ITM2A: variants seen among roughly 807,000 people sequenced by gnomAD.
The protein encoded by ITM2A is BRICHOS domain containing 2A.
A neutral mutation model predicts 16.6 loss-of-function variants in ITM2A; 11 were observed. That is an observed-to-expected ratio of 0.66 (90% CI 0.42 to 1.10). ITM2A has a LOEUF of 1.10. Ranked by LOEUF, ITM2A falls within the 50% of genes least tolerant of loss-of-function variation. ITM2A has a pLI of 0.00. For synonymous variants in ITM2A, 102 were observed against 71.2 expected, an observed-to-expected ratio of 1.43 and a Z score of -2.18; for missense variants, 243 against 206.8, an observed-to-expected ratio of 1.17 and a Z score of -1.07.
At chrX:79,365,813 A>G (rs1196645566) in intron 1 of ITM2A, among the ~76,000 whole-genome samples, 1 of 111,912 alleles carries the variant, frequency 8.9e-6, no homozygotes, top group African/African-American at 3.2e-5. Context: ...AACCTCAACA[A>G]TGCAAGAGGG....
Position 79,363,081 on chromosome X carries a change from A to G in ITM2A, c.302T>C (p.Leu101Pro). 1 of 1,210,078 alleles carries G rather than the reference A, an allele frequency of 8.3e-7. No individual in the cohort carries two copies. The highest frequency in any genetic ancestry group is 3.0e-5 in the East Asian group (1 of 33,807). The change falls in exon 3 of 6, where the codon CTT (leucine) becomes CCT (proline). Residue 101 changes from leucine (L) to proline (P), a missense_variant. By Grantham distance (98) the Leu-to-Pro change is moderately conservative. Coordinates refer to ENST00000373298, the MANE Select transcript of ITM2A (RefSeq NM_004867.5). ...FFDSEDPANS[L>P]RGGEPNFLPV... ...CAGGAAGTTAGGCTCTCCTCCACGAAGGGAATTTGCAGGATCCTCAGAATC... is the reference window on the plus strand; with the variant it reads ...CAGGAAGTTAGGCTCTCCTCCACGAGGGGAATTTGCAGGATCCTCAGAATC...
rs769544669 is a variant in ITM2A, at chrX:79,367,182, C to G, written c.34G>C (p.Val12Leu). ...VKIAFNTPTA[V>L]QKEEARQDVE... Reference sequence around the variant, plus strand: ...TCTTGCCGCGCCTCCTCCTTTTGCACGGCGGTAGGGGTATTGAAGGCGATT... The same window carrying G: ...TCTTGCCGCGCCTCCTCCTTTTGCAGGGCGGTAGGGGTATTGAAGGCGATT... Residue 12 changes from valine to leucine, a missense_variant, in exon 1 of 6, where the codon GTG (valine) becomes CTG (leucine). By Grantham distance (32) the Val-to-Leu change is conservative. Transcript: ENST00000373298. The G allele has an allele frequency of 3.2e-5, 39 of 1,206,750 alleles. No homozygotes were observed. The highest frequency in any genetic ancestry group is 4.4e-5 in the Admixed American group (2 of 45,666).
In ITM2A at chrX:79,360,484, ATAG is replaced by A. The variant is rs1477706034; in HGVS notation, c.*602_*604del. 8.9e-6 allele frequency: 1 copy of A among 111,825 alleles called. No homozygotes were observed. The highest frequency in any genetic ancestry group is 1.9e-5 in the Non-Finnish European group (1 of 53,075). 9.2% of individuals were successfully genotyped at this position (111,825 alleles called of 1,213,427 possible). A position where few individuals can be genotyped will look rare whatever the true frequency, so the allele number is the denominator to read the frequency against. ...CAATTTTGTGCATTCCACAATACAGATAGTAGTGAGAAAGAATCACTGCATTAG... is the reference window on the plus strand; with the variant it reads ...CAATTTTGTGCATTCCACAATACAGATAGTGAGAAAGAATCACTGCATTAG... On this transcript the variant is annotated 3_prime_UTR_variant, in exon 6 of 6. Coordinates refer to ENST00000373298, the MANE Select transcript of ITM2A (RefSeq NM_004867.5).
Position 79,360,950 on chromosome X carries a change from T to TTC in ITM2A, c.*138_*139insGA. 3.2e-6 allele frequency: 1 copy of TTC among 316,383 alleles called. No homozygotes were observed. The highest frequency in any genetic ancestry group is 2.8e-5 in the African/African-American group (1 of 36,101). 26.1% of individuals were successfully genotyped at this position (316,383 alleles called of 1,213,427 possible). On this transcript the variant is annotated 3_prime_UTR_variant, in exon 6 of 6. Transcript: ENST00000373298. Reference sequence around the variant, plus strand: ...AAGAGCTTGCAGTGGTTAGTAGTTTTTTTTTTTCCTTTTTTTAAAGCATAA... The same window carrying TTC: ...AAGAGCTTGCAGTGGTTAGTAGTTTTTCTTTTTTTCCTTTTTTTAAAGCATAA...
chrX:79,364,758 A>T (rs1206816840), intron 1 of ITM2A, among the ~76,000 whole-genome samples: 1 of 112,055 alleles, frequency 8.9e-6, no homozygotes, highest in East Asian at 2.8e-4. Flanking sequence ...ATTTCAAGTT[A>T]ATGCAGAAGA....
rs182944447 is a variant in ITM2A at position 79,363,049 on chromosome X, T to C, written c.334A>G (p.Thr112Ala). Residue 112 changes from threonine (T) to alanine (A), a missense_variant, in exon 3 of 6, where the codon ACT becomes GCT. Transcript: ENST00000373298. ...TCCTCACGAATGTCAGCCTCCTCAGTCACAGGCAGGAAGTTAGGCTCTCCT... is the reference window on the plus strand; with the variant it reads ...TCCTCACGAATGTCAGCCTCCTCAGCCACAGGCAGGAAGTTAGGCTCTCCT... Reference protein sequence around the residue: ...RGGEPNFLPVTEEADIREDDN... With the variant: ...RGGEPNFLPVAEEADIREDDN... 8.3e-7 allele frequency: 1 copy of C among 1,205,220 alleles called. No individual in the cohort carries two copies. Among genetic ancestry groups the C allele is most frequent in the African/African-American group, 1.8e-5 (1 of 56,934 alleles).
intron 4 of ITM2A, among the ~76,000 whole-genome samples, chrX:79,362,272 T>G (rs1487287565): frequency 9.0e-6 from 1 of 111,573 alleles, no homozygotes. Flanking sequence ...TGCATTTATC[T>G]AATGTTCAGT....
chrX:79,366,904 C>G (rs771166997), intron 1 of ITM2A: 16 of 405,467 alleles, frequency 3.9e-5, no homozygotes, highest in Non-Finnish European at 6.9e-5. Flanking sequence ...GAACATGGCA[C>G]GACACGCGGG....
At position 79,361,617 on chromosome X, in the gene ITM2A, G is replaced by A; in HGVS notation, c.553-138C>T. Reference sequence around the variant, plus strand: ...GTTGTAGAGATTATTTAATCACCCAGGTATTAAGCCTAGTACCTACTGGTT... The same window carrying A: ...GTTGTAGAGATTATTTAATCACCCAAGTATTAAGCCTAGTACCTACTGGTT... On this transcript the variant is annotated intron_variant, in intron 4 of 5. Transcript: ENST00000373298. The A allele has an allele frequency of 1.9e-5, 10 of 521,925 alleles. No homozygotes were observed. The South Asian group carries it at 3.3e-4, about 17-fold the overall frequency. The allele number at this position is 521,925 out of a possible 1,213,427, so 43.0% of individuals were successfully genotyped here.
chrX:79,362,332 G>A (rs1307493971), intron 4 of ITM2A, among the ~76,000 whole-genome samples: 1 of 110,878 alleles, frequency 9.0e-6, no homozygotes, highest in Non-Finnish European at 1.9e-5. Flanking sequence ...GTCTTCTTTT[G>A]GAAAATGTCT....
At chrX:79,363,863 T>G (rs1925501780) in intron 1 of ITM2A, among the ~76,000 whole-genome samples, 1 of 112,113 alleles carries the variant, frequency 8.9e-6, no homozygotes, top group South Asian at 3.7e-4. Flanking sequence ...TATTCTTTTT[T>G]ACTGTGCTAA....
rs1318137762 is a variant in ITM2A at position 79,362,729 on chromosome X, A to G, written c.442-38T>C. 5 of 980,198 alleles carry G rather than the reference A, an allele frequency of 5.1e-6. No individual in the cohort carries two copies. The South Asian group carries it at 1.0e-4, about 20-fold the overall frequency. The allele number at this position is 980,198 out of a possible 1,213,427, so 80.8% of individuals were successfully genotyped here. ...GGAAAAAAGTCAGGTAAGACACAGA[A>G]GGCATTAACATTGCGAATTTTCCAA... On this transcript the variant is annotated intron_variant, in intron 3 of 5. Coordinates refer to ENST00000373298, the MANE Select transcript of ITM2A (RefSeq NM_004867.5).
chrX:79,362,083 G>A lies in ITM2A; in HGVS notation c.552+498C>T, dbSNP rs181375019. Among the ~76,000 whole-genome samples the A allele has an allele frequency of 2.7e-5, 3 of 110,987 alleles. No individual in the cohort carries two copies. In the East Asian group the frequency reaches 8.4e-4, roughly 31 times the overall value. ...GATTGCTGGGTCTAATAGTATTTCTGTCTAGGTCTGAGAAATCACCACAGC... is the reference window on the plus strand; with the variant it reads ...GATTGCTGGGTCTAATAGTATTTCTATCTAGGTCTGAGAAATCACCACAGC... On this transcript the variant is annotated intron_variant, in intron 4 of 5. Coordinates refer to ENST00000373298, the MANE Select transcript of ITM2A (RefSeq NM_004867.5).
At position 79,363,044 on chromosome X, in the gene ITM2A, C is replaced by T; in HGVS notation, c.339G>A (p.Glu113=). The change falls in exon 3 of 6, where the codon GAG becomes GAA. Residue 113 remains glutamate (E), a synonymous_variant. Transcript: ENST00000373298. ...TGTCATCCTCACGAATGTCAGCCTCCTCAGTCACAGGCAGGAAGTTAGGCT... is the reference window on the plus strand; with the variant it reads ...TGTCATCCTCACGAATGTCAGCCTCTTCAGTCACAGGCAGGAAGTTAGGCT... ...GGEPNFLPVT[E]EADIREDDNI... The T allele has an allele frequency of 1.7e-6, 2 of 1,207,498 alleles. No individual in the cohort carries two copies. Among genetic ancestry groups the T allele is most frequent in the Non-Finnish European group, 2.2e-6 (2 of 891,859 alleles).
At chrX:79,364,959 TA>T (rs1356578132) in intron 1 of ITM2A, among the ~76,000 whole-genome samples, 48 of 103,355 alleles carry the variant, frequency 4.6e-4, no homozygotes, top group African/African-American at 7.7e-4. Context: ...TTATTTTTAT[TA>T]AAAAAAAAAA....
In ITM2A at chrX:79,361,216, T is replaced by G. The variant is rs771483953; in HGVS notation, c.704-39A>C. On this transcript the variant is annotated intron_variant, in intron 5 of 5. Transcript: ENST00000373298. ...TGCAAAAAAAGTGGCTTTTGAAATTTTTGTGGAAATGAAAATATATCCAGA... is the reference window on the plus strand; with the variant it reads ...TGCAAAAAAAGTGGCTTTTGAAATTGTTGTGGAAATGAAAATATATCCAGA... 2.5e-5 allele frequency: 28 copies of G among 1,139,036 alleles called. 1 individual carries two copies. In the South Asian group the frequency reaches 4.0e-4, roughly 16 times the overall value. The allele number at this position is 1,139,036 out of a possible 1,213,427, so 93.9% of individuals were successfully genotyped here. A position where few individuals can be genotyped will look rare whatever the true frequency, so the allele number is the denominator to read the frequency against.
Position 79,363,548 on chromosome X carries a change from G to A in ITM2A, c.118C>T (p.Arg40Ter). ...RTQILTGKELRVATQEKEGSS... is the reference protein window; with the variant it reads ...RTQILTGKEL ...CCCTCTTTTTCCTGGGTGGCAACTC[G>A]GAGCTCCTATTTATTAAAAAGCAAA... Residue 40 changes from arginine to a stop codon, truncating the protein, a stop_gained, in exon 2 of 6, where the codon CGA becomes TGA. Transcript: ENST00000373298. LOFTEE classifies it high-confidence loss of function. 1.7e-6 allele frequency: 2 copies of A among 1,173,375 alleles called. No individual in the cohort carries two copies. The highest frequency in any genetic ancestry group is 2.3e-6 in the Non-Finnish European group (2 of 876,700).
At chrX:79,362,261 T>C (rs1353086235) in intron 4 of ITM2A, among the ~76,000 whole-genome samples, 1 of 111,546 alleles carries the variant, frequency 9.0e-6, no homozygotes, top group Non-Finnish European at 1.9e-5. Context: ...TGATTTTGAT[T>C]TGCATTTATC....
chrX:79,363,413 T>C lies in ITM2A; in HGVS notation c.243+10A>G, dbSNP rs1276597648. Reference sequence around the variant, plus strand: ...ATCCAAAGTATAATAATTATAATTATTATTATTACCTTGGGCATGAAGTAC... The same window carrying C: ...ATCCAAAGTATAATAATTATAATTACTATTATTACCTTGGGCATGAAGTAC... On this transcript the variant is annotated intron_variant, in intron 2 of 5. Coordinates refer to ENST00000373298, the MANE Select transcript of ITM2A (RefSeq NM_004867.5). 3.7e-6 allele frequency: 4 copies of C among 1,088,143 alleles called. No homozygotes were observed. The Admixed American group carries it at 1.4e-4, about 38-fold the overall frequency. 89.7% of individuals were successfully genotyped at this position (1,088,143 alleles called of 1,213,427 possible).
Sources: allele counts gnomAD v4.1 joint callset (sites outside exome capture counted in the v4.1 genomes callset), GRCh38; gene constraint gnomAD v4.1.1; transcripts MANE v1.5; gene names NCBI Gene and HGNC (gene_info 2026-07-23, HGNC 2026-07-21).